The following SEC63 variants were observed in gnomAD, a reference collection of about 807,000 sequenced individuals.
SEC63 encodes the protein SEC63 protein translocation regulator.
Under a neutral mutation model 116.2 loss-of-function variants are expected in SEC63, and 56 were observed. That is an observed-to-expected ratio of 0.48 (90% CI 0.39 to 0.60). The LOEUF (loss-of-function observed/expected upper bound fraction) is 0.60, where lower values mean the gene tolerates loss of function less well. SEC63 is among the 20% of genes least tolerant of loss of function. The probability of loss-of-function intolerance (pLI) is 0.00; values close to 1 mark genes in which losing one functional copy is unlikely to be tolerated. For synonymous variants in SEC63, 273 were observed against 294.6 expected, an observed-to-expected ratio of 0.93 and a Z score of 0.75; for missense variants, 668 against 900.0, an observed-to-expected ratio of 0.74 and a Z score of 3.30.
chr6:107,957,834 G>C, intron 1 of SEC63, 52 bp downstream of exon 1: 2 of 1,541,680 alleles, frequency 1.3e-6, no homozygotes, highest in Non-Finnish European at 1.7e-6. Flanking sequence ...CAGGGCCTGG[G>C]GGCGCTGGCG....
rs377222675 is a variant in SEC63 at position 107,901,709 on chromosome 6, G to C, written c.1210-192C>G. Among the ~76,000 whole-genome samples the C allele has an allele frequency of 1.1e-3, 169 of 151,562 alleles. 3 individuals are homozygous for C. The highest frequency in any genetic ancestry group is 7.9e-3 in the Admixed American group (121 of 15,228). ...TTTTCTCCAAGAAAATTTAAATTAAGAATTTTTAAATTATAAAGTTAATAC... is the reference window on the plus strand; with the variant it reads ...TTTTCTCCAAGAAAATTTAAATTAACAATTTTTAAATTATAAAGTTAATAC... On this transcript the variant is annotated intron_variant, in intron 12 of 20. Coordinates refer to ENST00000369002, the MANE Select transcript of SEC63 (RefSeq NM_007214.5).
intron 8 of SEC63, among the ~76,000 whole-genome samples, chr6:107,908,673 T>C (rs1160593135): frequency 1.6e-4 from 25 of 152,180 alleles, no homozygotes. Flanking sequence ...TAGCTAGAAT[T>C]ACAAAATTTG....
In SEC63 at chr6:107,870,898, G is replaced by T. The variant is rs1316567832; in HGVS notation, c.*806C>A. On this transcript the variant is annotated 3_prime_UTR_variant, in exon 21 of 21. Coordinates refer to ENST00000369002, the MANE Select transcript of SEC63 (RefSeq NM_007214.5). ...AAGTAGACTGAAAACTAAGGATGTA[G>T]TTCAGCTTTTAGAGTGAACCTTTTT... is the stretch of plus-strand genomic sequence containing the variant. The T allele has an allele frequency of 6.6e-6, 1 of 152,392 alleles. No homozygotes were observed. The highest frequency in any genetic ancestry group is 1.5e-5 in the Non-Finnish European group (1 of 68,032). The allele number at this position is 152,392 out of a possible 1,614,324, so 9.4% of individuals were successfully genotyped here.
chr6:107,897,552 G>T, intron 14 of SEC63, 97 bp downstream of exon 14: 2 of 870,820 alleles, frequency 2.3e-6, no homozygotes. Context: ...ATTAGATCTT[G>T]GTATTACAAC....
intron 11 of SEC63, among the ~76,000 whole-genome samples, chr6:107,903,621 C>T (rs1460308254): frequency 6.6e-6 from 1 of 152,170 alleles, no homozygotes; most frequent in Admixed American, 6.5e-5. Context: ...AGAAGGACTG[C>T]TTGAGCCCAG....
chr6:107,923,010 TAATA>T (rs1450077467), intron 3 of SEC63, among the ~76,000 whole-genome samples: 2 of 151,828 alleles, frequency 1.3e-5, no homozygotes, highest in Non-Finnish European at 2.9e-5. Flanking sequence ...AAAAAAAAAT[TAATA>T]AATAGGGAAT....
intron 1 of SEC63, among the ~76,000 whole-genome samples, chr6:107,939,372 A>C (rs1472637957): frequency 6.6e-6 from 1 of 151,908 alleles, no homozygotes; most frequent in Non-Finnish European, 1.5e-5. Context: ...AGCTTTACCT[A>C]AAGCTGCAGA....
chr6:107,953,550 G>A (rs1422816439), intron 1 of SEC63, among the ~76,000 whole-genome samples: 71 of 135,234 alleles, frequency 5.3e-4, no homozygotes, highest in South Asian at 7.0e-4. Context: ...CCGGCCAGCC[G>A]CCCCGTCCGG....
At chr6:107,957,818 G>A (rs1476897770) in intron 1 of SEC63, 68 bp downstream of exon 1, 13 of 1,403,440 alleles carry the variant, frequency 9.3e-6, no homozygotes, top group African/African-American at 1.5e-5. Flanking sequence ...GGGCAAGCGG[G>A]CGCCGCAGGG....
rs1787260493 is a variant in SEC63 at position 107,910,666 on chromosome 6, T to C, written c.624+680A>G. On this transcript the variant is annotated intron_variant, in intron 7 of 20. Transcript: ENST00000369002. ...CATGTCATACATTTATACACATCTG[T>C]CATGCATATGTACACATATACATAT... 3.3e-5 allele frequency among the ~76,000 whole-genome samples: 5 copies of C among 152,114 alleles called. No homozygotes were observed. The South Asian group carries it at 1.0e-3, about 31-fold the overall frequency.
At chr6:107,923,992 C>T (rs556552707) in intron 3 of SEC63, among the ~76,000 whole-genome samples, 4 of 152,258 alleles carry the variant, frequency 2.6e-5, no homozygotes, top group South Asian at 2.1e-4. Flanking sequence ...AGGCTGGGCA[C>T]GGTGGCTCAC....
chr6:107,937,231 T>C (rs1770269102), intron 1 of SEC63, among the ~76,000 whole-genome samples: 1 of 151,394 alleles, frequency 6.6e-6, no homozygotes, highest in Admixed American at 6.6e-5. Context: ...CAAGTGATTC[T>C]CCTGCCTCAG....
In SEC63 at chr6:107,870,510, A is replaced by G. The variant is rs530688153; in HGVS notation, c.*1194T>C. On this transcript the variant is annotated 3_prime_UTR_variant, in exon 21 of 21. Coordinates refer to ENST00000369002, the MANE Select transcript of SEC63 (RefSeq NM_007214.5). ...AATACTACAGACTTATGTTTCCTCC[A>G]TATCTAGGAATAAAAATATCCACCC... The G allele has an allele frequency of 1.6e-4, 24 of 152,624 alleles. No individual in the cohort carries two copies. Among genetic ancestry groups the G allele is most frequent in the African/African-American group, 5.1e-4 (21 of 41,570 alleles). 9.5% of individuals were successfully genotyped at this position (152,624 alleles called of 1,614,324 possible). A position where few individuals can be genotyped will look rare whatever the true frequency, so the allele number is the denominator to read the frequency against.
chr6:107,909,312 G>A (rs1787223433), intron 7 of SEC63, among the ~76,000 whole-genome samples: 1 of 151,684 alleles, frequency 6.6e-6, no homozygotes, highest in Non-Finnish European at 1.5e-5. Flanking sequence ...CAGGAGGTCA[G>A]GGCTGCAGTA....
chr6:107,876,688 A>AG, intron 18 of SEC63, 26 bp from the exon 19 acceptor site: 1 of 1,411,990 alleles, frequency 7.1e-7, no homozygotes, highest in Non-Finnish European at 9.9e-7. Flanking sequence ...AAAAAAAAAA[A>AG]AGAAGAGGGG....
intron 2 of SEC63, 82 bp downstream of exon 2, chr6:107,929,333 A>G (rs1787745981): frequency 1.1e-5 from 8 of 750,766 alleles, no homozygotes; most frequent in Middle Eastern, 5.1e-4. Flanking sequence ...ACAATGACTT[A>G]TTCATCATTA....
Position 107,883,355 on chromosome 6 carries a change from A to C in SEC63, c.1675-209T>G, listed in dbSNP as rs973426994. 9.2e-6 allele frequency: 5 copies of C among 545,054 alleles called. No homozygotes were observed. The African/African-American group carries it at 9.5e-5, about 10-fold the overall frequency. The allele number at this position is 545,054 out of a possible 1,614,324, so 33.8% of individuals were successfully genotyped here. A position where few individuals can be genotyped will look rare whatever the true frequency, so the allele number is the denominator to read the frequency against. On this transcript the variant is annotated intron_variant, in intron 16 of 20. Transcript: ENST00000369002. ...AGTTTAATATCTGGCTAGTCTGTCTATTGTTAGTTATTTTATTCATTCTTC... is the reference window on the plus strand; with the variant it reads ...AGTTTAATATCTGGCTAGTCTGTCTCTTGTTAGTTATTTTATTCATTCTTC...
intron 20 of SEC63, 85 bp from the exon 21 acceptor site, chr6:107,871,932 C>T: frequency 7.1e-7 from 1 of 1,407,824 alleles, no homozygotes; most frequent in Non-Finnish European, 9.9e-7. Context: ...TTTTCTTTGA[C>T]CACAGCAATT....
intron 7 of SEC63, 45 bp downstream of exon 7, chr6:107,911,301 A>G (rs1257370229): frequency 4.6e-6 from 6 of 1,297,258 alleles, no homozygotes; most frequent in Non-Finnish European, 5.6e-6. Context: ...AAACATGTCA[A>G]TCTCCTTTCC....
Sources: allele counts gnomAD v4.1 joint callset (sites outside exome capture counted in the v4.1 genomes callset), GRCh38; gene constraint gnomAD v4.1.1; transcripts MANE v1.5; gene names NCBI Gene and HGNC (gene_info 2026-07-23, HGNC 2026-07-21).